The following HDAC6 variants were observed in gnomAD, a reference collection of about 807,000 sequenced individuals.
HDAC6 encodes the protein histone deacetylase 6, also known as protein deacetylase HDAC6.
A neutral mutation model predicts 88.9 loss-of-function variants in HDAC6; 5 were observed. That is an observed-to-expected ratio of 0.06 (90% CI 0.03 to 0.12). HDAC6 has a LOEUF of 0.12. HDAC6 is among the 10% of genes least tolerant of loss of function. The pLI, the probability that HDAC6 is intolerant of heterozygous loss-of-function variation, is 1.00. For missense variants in HDAC6, 706 were observed against 1,014.4 expected (o/e 0.70, Z 4.13); for synonymous variants, 378 against 398.0 (o/e 0.95, Z 0.60).
chrX:48,803,468 T>C, intron 4 of HDAC6: 3 of 375,598 alleles, frequency 8.0e-6, no homozygotes, highest in Non-Finnish European at 1.4e-5. Flanking sequence ...AGCGGATTGA[T>C]GAGTAGGAGG....
Position 48,815,402 on chromosome X carries a change from G to A in HDAC6, c.1168G>A (p.Ala390Thr), listed in dbSNP as rs370312010. The change falls in exon 15 of 29, where the codon GCC (alanine) becomes ACC (threonine). Residue 390 changes from alanine to threonine, a missense_variant. By Grantham distance (58) the Ala-to-Thr change is moderately conservative. Around this residue, in one of 9 missense-constraint regions of HDAC6, gnomAD observed 106 missense variants for 135.1 expected, o/e 0.78. Transcript: ENST00000334136. ...LSLEGGYNLR[A>T]LAEGVSASLH... ...GCCCCAGGGTGGCTACAACCTCCGC[G>A]CCCTGGCTGAAGGCGTCAGTGCTTC... The A allele has an allele frequency of 3.5e-5, 42 of 1,200,817 alleles. No homozygotes were observed. The highest frequency in any genetic ancestry group is 2.3e-4 in the Middle Eastern group (1 of 4,360).
intron 23 of HDAC6, among the ~76,000 whole-genome samples, chrX:48,820,728 C>T (rs1472143501): frequency 8.9e-6 from 1 of 112,428 alleles, no homozygotes; most frequent in Admixed American, 9.4e-5. Flanking sequence ...TCAGTATCCC[C>T]ACGCCCTGTG....
intron 10 of HDAC6, 69 bp downstream of exon 10, chrX:48,808,395 G>T: frequency 1.2e-6 from 1 of 803,395 alleles, no homozygotes; most frequent in East Asian, 3.3e-5. Context: ...CCAGCCAGAA[G>T]GGGTCCAGAA....
intron 20 of HDAC6, 77 bp downstream of exon 20, chrX:48,817,536 C>G (rs2063009178): frequency 4.5e-5 from 44 of 980,653 alleles, no homozygotes; most frequent in Non-Finnish European, 6.1e-5. Flanking sequence ...ATTGTTTACT[C>G]ATGCCCCATG....
chrX:48,814,738 G>A lies in HDAC6; in HGVS notation c.997G>A (p.Glu333Lys), dbSNP rs2056926288. The A allele has an allele frequency of 8.3e-7, 1 of 1,210,939 alleles. No homozygotes were observed. The highest frequency in any genetic ancestry group is 1.7e-5 in the African/African-American group (1 of 57,930). Residue 333 changes from glutamate to lysine, a missense_variant and splice_region_variant, in exon 12 of 29, where the codon GAG (glutamate) becomes AAG (lysine). This residue lies in a region of HDAC6 where 10 missense variants were observed against 36.4 expected (regional missense o/e 0.27). Coordinates refer to ENST00000334136, the MANE Select transcript of HDAC6 (RefSeq NM_006044.4). ...GCACGTCCTGCTGCCAGTCGCCCTC[G>A]AGGTCCTGGGGATCTGGGGTGTGTT... is the stretch of plus-strand genomic sequence containing the variant. The part of the protein sequence containing the change: ...FLHVLLPVAL[E>K]FQPQLVLVAA...
Position 48,823,973 on chromosome X carries a change from G to A in HDAC6, c.3355G>A (p.Val1119Ile), listed in dbSNP as rs1201907460. Reference sequence around the variant, plus strand: ...GCCCTGGTGTCCCCATTTGGTGGCAGTATGCCCCATACCTGCAGCAGGCCT... The same window carrying A: ...GCCCTGGTGTCCCCATTTGGTGGCAATATGCCCCATACCTGCAGCAGGCCT... ...PLPWCPHLVAVCPIPAAGLDV... is the reference protein window; with the variant it reads ...PLPWCPHLVAICPIPAAGLDV... Residue 1119 changes from valine to isoleucine, a missense_variant, in exon 27 of 29, where the codon GTA becomes ATA. Physicochemically the swap from Val to Ile is conservative, Grantham distance 29. Coordinates refer to ENST00000334136, the MANE Select transcript of HDAC6 (RefSeq NM_006044.4). 5.0e-6 allele frequency: 6 copies of A among 1,211,599 alleles called. No homozygotes were observed. Among genetic ancestry groups the A allele is most frequent in the East Asian group, 5.9e-5 (2 of 33,853 alleles).
At chrX:48,812,605 T>G (rs782647121) in intron 10 of HDAC6, among the ~76,000 whole-genome samples, 1 of 112,023 alleles carries the variant, frequency 8.9e-6, no homozygotes, top group African/African-American at 3.2e-5. Context: ...TTTCTAGAAA[T>G]TCATTGAAGT....
intron 19 of HDAC6, 95 bp downstream of exon 19, chrX:48,816,728 G>A: frequency 1.2e-6 from 1 of 831,459 alleles, no homozygotes; most frequent in Non-Finnish European, 1.7e-6. Context: ...AGTCAAGCAG[G>A]GCCTGAGGAA....
chrX:48,805,930 G>A (rs2062810103), intron 6 of HDAC6: 1 of 424,443 alleles, frequency 2.4e-6, no homozygotes, highest in Admixed American at 4.2e-5. Context: ...CTGTTATCAT[G>A]ATCTGATTGT....
Position 48,806,635 on chromosome X carries a change from C to A in HDAC6, c.561C>A (p.Ala187=), listed in dbSNP as rs781969923. Residue 187 remains alanine (A), a synonymous_variant, in exon 8 of 29, where the codon GCC becomes GCA. Coordinates refer to ENST00000334136, the MANE Select transcript of HDAC6 (RefSeq NM_006044.4). ...HPNSYSCACL[A]SGSVLRLVDA... ...ACTCATACTCCTGTGCCTGCCTGGC[C>A]TCAGGCTCTGTCCTCAGGCTGGTGG... 2.5e-6 allele frequency: 3 copies of A among 1,208,135 alleles called. No homozygotes were observed. The highest frequency in any genetic ancestry group is 3.5e-5 in the African/African-American group (2 of 57,186).
In HDAC6 at chrX:48,824,917, G is replaced by A. The variant is rs1374196916; in HGVS notation, c.*305G>A. 6 of 1,080,441 alleles carry A rather than the reference G, an allele frequency of 5.6e-6. No individual in the cohort carries two copies. Among genetic ancestry groups the A allele is most frequent in the South Asian group, 1.9e-5 (1 of 51,310 alleles). The allele number at this position is 1,080,441 out of a possible 1,213,427, so 89.0% of individuals were successfully genotyped here. A position where few individuals can be genotyped will look rare whatever the true frequency, so the allele number is the denominator to read the frequency against. The stretch of plus-strand genomic sequence containing the variant: ...TCATGAGGATAACATTGGCGGGAGG[G>A]GAGTTAACTGGCAGGCATGGCAAGG... On this transcript the variant is annotated 3_prime_UTR_variant, in exon 29 of 29. Coordinates refer to ENST00000334136, the MANE Select transcript of HDAC6 (RefSeq NM_006044.4).
chrX:48,816,904 T>C (rs1404263967), intron 19 of HDAC6: 7 of 349,283 alleles, frequency 2.0e-5, no homozygotes, highest in Non-Finnish European at 3.4e-5. Context: ...CAGTAAGCCA[T>C]GATTGCACCA....
rs1602271469 is a variant in HDAC6, at chrX:48,819,757, A to G, written c.2188-349A>G. ...ACAGGGTTTCACTGTGTTAGCCAGG[A>G]TGGTCTCAATCTGACCTCATGATCT... is the stretch of plus-strand genomic sequence containing the variant. On this transcript the variant is annotated intron_variant, in intron 22 of 28. Transcript: ENST00000334136. 3 of 290,290 alleles carry G rather than the reference A, an allele frequency of 1.0e-5. No individual in the cohort carries two copies. The East Asian group carries it at 2.5e-4, about 24-fold the overall frequency. 23.9% of individuals were successfully genotyped at this position (290,290 alleles called of 1,213,427 possible).
chrX:48,806,714 T>G lies in HDAC6; in HGVS notation c.632+8T>G. ...TGGCATGGCCATCATTAGGTAGGAC[T>G]CTACAGCATTTGACTTTTTACATTG... On this transcript the variant is annotated splice_region_variant and intron_variant, in intron 8 of 28. Coordinates refer to ENST00000334136, the MANE Select transcript of HDAC6 (RefSeq NM_006044.4). 1 of 1,113,965 alleles carries G rather than the reference T, an allele frequency of 9.0e-7. No individual in the cohort carries two copies. Among genetic ancestry groups the G allele is most frequent in the Non-Finnish European group, 1.2e-6 (1 of 812,931 alleles). 91.8% of individuals were successfully genotyped at this position (1,113,965 alleles called of 1,213,427 possible). A position where few individuals can be genotyped will look rare whatever the true frequency, so the allele number is the denominator to read the frequency against.
At chrX:48,805,046 A>G (rs1407958093) in intron 4 of HDAC6, among the ~76,000 whole-genome samples, 1 of 111,685 alleles carries the variant, frequency 9.0e-6, no homozygotes, top group African/African-American at 3.3e-5. Context: ...AGATGGGGTC[A>G]GAGAGGTGAT....
chrX:48,801,604 C>G (rs897914168), upstream of HDAC6: 1 of 227,158 alleles, frequency 4.4e-6, no homozygotes, highest in Non-Finnish European at 8.1e-6. Flanking sequence ...CTGTCGGGAA[C>G]CGCCGGCGCC....
chrX:48,802,613 C>T, intron 1 of HDAC6, 50 bp from the exon 2 acceptor site: 1 of 1,162,675 alleles, frequency 8.6e-7, no homozygotes. Flanking sequence ...GTGGGGTCCT[C>T]AGGGCACACT....
Position 48,823,943 on chromosome X carries a change from C to A in HDAC6, c.3325C>A (p.Pro1109Thr), listed in dbSNP as rs1557031395. Residue 1109 changes from proline to threonine, a missense_variant, in exon 27 of 29, where the codon CCA (proline) becomes ACA (threonine). Pro to Thr is a conservative substitution (Grantham distance 38, BLOSUM62 -1). Coordinates refer to ENST00000334136, the MANE Select transcript of HDAC6 (RefSeq NM_006044.4). ...TDQAIFYAVTPLPWCPHLVAV... is the reference protein window; with the variant it reads ...TDQAIFYAVTTLPWCPHLVAV... ...CCAGGCCATATTTTATGCTGTGACACCACTGCCCTGGTGTCCCCATTTGGT... is the reference window on the plus strand; with the variant it reads ...CCAGGCCATATTTTATGCTGTGACAACACTGCCCTGGTGTCCCCATTTGGT... 8.3e-7 allele frequency: 1 copy of A among 1,211,260 alleles called. No homozygotes were observed. Among genetic ancestry groups the A allele is most frequent in the Non-Finnish European group, 1.1e-6 (1 of 894,951 alleles).
At chrX:48,824,397 G>T in intron 28 of HDAC6, 103 bp downstream of exon 28, 1 of 1,097,828 alleles carries the variant, frequency 9.1e-7, no homozygotes, top group Middle Eastern at 3.4e-4. Context: ...CTGCATGGCT[G>T]CCTCATGTGA....
Sources: gnomAD v4.1 joint callset for allele counts (sites outside exome capture counted in the v4.1 genomes callset) on GRCh38, gnomAD v4.1.1 for gene constraint, gnomAD v4.1.1 regional missense constraint, MANE v1.5 for transcripts, NCBI Gene and HGNC (gene_info 2026-07-23, HGNC 2026-07-21) for gene names.